The following RNPS1 variants were observed in gnomAD, a reference collection of about 807,000 sequenced individuals.
The protein encoded by RNPS1 is RNA-binding protein with serine-rich domain 1.
For synonymous variants in RNPS1, 147 were observed against 150.0 expected (o/e 0.98, Z 0.15); for missense variants, 300 against 427.6 (o/e 0.70, Z 2.63).
chr16:2,267,941 C>G, intron 1 of RNPS1, 114 bp downstream of exon 1: 1 of 1,528,860 alleles, frequency 6.5e-7, no homozygotes, highest in African/African-American at 1.4e-5. Flanking sequence ...ACCGCGCTGC[C>G]AGGCCACCGC....
At chr16:2,262,900 G>A (rs551692261) in intron 4 of RNPS1, 58 bp from the exon 5 acceptor site, 21 of 1,463,220 alleles carry the variant, frequency 1.4e-5, no homozygotes, top group Admixed American at 1.4e-4. Context: ...TGTACTAGAC[G>A]CCTTTCGAGT....
chr16:2,267,109 A>G (rs1451654727), intron 1 of RNPS1: 19 of 853,230 alleles, frequency 2.2e-5, no homozygotes, highest in Non-Finnish European at 2.5e-5. Context: ...AGAACCACTG[A>G]GTAAGCGGAC....
At chr16:2,262,542 G>T in intron 5 of RNPS1, 111 bp from the exon 6 acceptor site, 1 of 1,171,770 alleles carries the variant, frequency 8.5e-7, no homozygotes, top group Non-Finnish European at 1.2e-6. Flanking sequence ...CATTCCATCT[G>T]ATGAGTACCA....
rs1217619443 is a variant in RNPS1, at chr16:2,263,163, T to A, written c.352A>T (p.Ser118Cys). 1.2e-6 allele frequency: 2 copies of A among 1,613,870 alleles called. No homozygotes were observed. The highest frequency in any genetic ancestry group is 2.2e-5 in the South Asian group (2 of 91,078). The change falls in exon 4 of 8, where the codon AGC becomes TGC. Residue 118 changes from serine to cysteine, a missense_variant. Ser to Cys is a moderately radical substitution (Grantham distance 112). Transcript: ENST00000320225. ...GGACTTGGAGAGCCAGAAGAGCTGC[T>A]AGAGCTGGAGCTGCGGGAGGTGCTG... ...SSSTSRSSSS[S>C]SSSGSPSPSR...
intron 3 of RNPS1, chr16:2,263,865 AC>A (rs1596812660): frequency 3.0e-6 from 1 of 332,086 alleles, no homozygotes; most frequent in East Asian, 7.4e-5. Flanking sequence ...GATGCATGCC[AC>A]CACGCTCAGC....
rs1229838093 is a variant in RNPS1, at chr16:2,253,205, A to G, written c.*759T>C. 2.6e-5 allele frequency: 4 copies of G among 152,618 alleles called. No individual in the cohort carries two copies. In the East Asian group the frequency reaches 7.7e-4, roughly 29 times the overall value. The allele number at this position is 152,618 out of a possible 1,614,324, so 9.5% of individuals were successfully genotyped here. A position where few individuals can be genotyped will look rare whatever the true frequency, so the allele number is the denominator to read the frequency against. On this transcript the variant is annotated 3_prime_UTR_variant, in exon 8 of 8. Transcript: ENST00000320225. ...AACACAATGTCATCTAAAATGCTAC[A>G]AAGGTATAAAACTCAAAAGAGAAAT...
At chr16:2,254,166 T>C in intron 7 of RNPS1, 103 bp from the exon 8 acceptor site, 1 of 811,062 alleles carries the variant, frequency 1.2e-6, no homozygotes, top group East Asian at 3.0e-5. Context: ...AGATGGAATA[T>C]CACTCTGTCT....
chr16:2,262,092 T>C lies in RNPS1; in HGVS notation c.676+186A>G. 1.6e-5 allele frequency: 8 copies of C among 513,592 alleles called. No homozygotes were observed. The South Asian group carries it at 1.8e-4, about 12-fold the overall frequency. 31.8% of individuals were successfully genotyped at this position (513,592 alleles called of 1,614,324 possible). ...ACTCAGTTAATGTGCATCTTGTTATTGGGCCATGAGAAATAGCAGCCCAAA... is the reference window on the plus strand; with the variant it reads ...ACTCAGTTAATGTGCATCTTGTTATCGGGCCATGAGAAATAGCAGCCCAAA... On this transcript the variant is annotated intron_variant, in intron 6 of 7. Transcript: ENST00000320225.
At chr16:2,266,611 C>T (rs2093626133) in intron 1 of RNPS1, 5 of 985,416 alleles carry the variant, frequency 5.1e-6, no homozygotes, top group Admixed American at 6.1e-5. Context: ...TCCGGAGGCT[C>T]CTTCCCCCAC....
chr16:2,255,943 T>A, intron 6 of RNPS1: 1 of 545,462 alleles, frequency 1.8e-6, no homozygotes, highest in Non-Finnish European at 3.3e-6. Context: ...CTGGCTAACA[T>A]GGTGAAAATG....
intron 5 of RNPS1, 67 bp downstream of exon 5, chr16:2,262,672 GT>G: frequency 7.2e-7 from 1 of 1,387,032 alleles, no homozygotes; most frequent in Non-Finnish European, 1.0e-6. Flanking sequence ...TACATTCTAA[GT>G]TCATCTGCAG....
Position 2,263,037 on chromosome 16 carries a change from G to C in RNPS1, c.419+59C>G. 7.8e-6 allele frequency: 12 copies of C among 1,547,680 alleles called. No individual in the cohort carries two copies. The South Asian group carries it at 1.4e-4, about 18-fold the overall frequency. On this transcript the variant is annotated intron_variant, in intron 4 of 7. Transcript: ENST00000320225. Reference sequence around the variant, plus strand: ...CCTTTTGGGTCCCTTTTATAACCTCGATGGTAAATCTGTAGCCCCGAGCTT... The same window carrying C: ...CCTTTTGGGTCCCTTTTATAACCTCCATGGTAAATCTGTAGCCCCGAGCTT...
At chr16:2,254,198 C>T (rs887256050) in intron 7 of RNPS1, 135 bp from the exon 8 acceptor site, 7 of 614,582 alleles carry the variant, frequency 1.1e-5, no homozygotes, top group African/African-American at 3.8e-5. Flanking sequence ...TGCAGTGGCA[C>T]GATCTCAGCT....
intron 1 of RNPS1, chr16:2,265,798 T>G (rs959840953): frequency 6.6e-6 from 1 of 152,312 alleles, no homozygotes. Context: ...GTGGTCTTTA[T>G]GTGAGTATTA....
Position 2,264,597 on chromosome 16 carries a change from T to G in RNPS1, c.47A>C (p.Glu16Ala). The change falls in exon 2 of 8, where the codon GAA becomes GCA. Residue 16 changes from glutamate to alanine, a missense_variant. Transcript: ENST00000320225. ...CCTAGTGCTGGACTTTTTATTATTTTCTTTGACTCCTAGCAAGCTCTTCTT... is the reference window on the plus strand; with the variant it reads ...CCTAGTGCTGGACTTTTTATTATTTGCTTTGACTCCTAGCAAGCTCTTCTT... ...VKKKSLLGVKENNKKSSTRAP... is the reference protein window; with the variant it reads ...VKKKSLLGVKANNKKSSTRAP... 1 of 1,613,524 alleles carries G rather than the reference T, an allele frequency of 6.2e-7. No individual in the cohort carries two copies. The highest frequency in any genetic ancestry group is 8.5e-7 in the Non-Finnish European group (1 of 1,179,844).
chr16:2,262,097 C>A, intron 6 of RNPS1, 181 bp downstream of exon 6: 1 of 510,550 alleles, frequency 2.0e-6, no homozygotes, highest in Non-Finnish European at 3.4e-6. Context: ...GTTATTGGGC[C>A]ATGAGAAATA....
chr16:2,267,708 G>A (rs1281836639), intron 1 of RNPS1: 3 of 1,231,264 alleles, frequency 2.4e-6, no homozygotes, highest in Non-Finnish European at 2.0e-6. Context: ...CCAGGGCAGG[G>A]CCTGGCGTTG....
chr16:2,256,392 T>C (rs1380917548), intron 6 of RNPS1: 1 of 152,050 alleles, frequency 6.6e-6, no homozygotes, highest in Non-Finnish European at 1.5e-5. Flanking sequence ...ACCCCATCTC[T>C]ACTAAAAATA....
intron 6 of RNPS1, among the ~76,000 whole-genome samples, chr16:2,260,654 A>G (rs942378517): frequency 1.3e-5 from 2 of 152,220 alleles, no homozygotes; most frequent in African/African-American, 2.4e-5. Context: ...ATTTAATTGT[A>G]CATATCCATG....
Sources: gnomAD v4.1 joint callset for allele counts (sites outside exome capture counted in the v4.1 genomes callset) on GRCh38, gnomAD v4.1.1 for gene constraint, MANE v1.5 for transcripts, NCBI Gene and HGNC (gene_info 2026-07-23, HGNC 2026-07-21) for gene names.